Variants in SMARCA2 observed in about 807,000 individuals in gnomAD.
The protein encoded by SMARCA2 is SWI/SNF-related matrix-associated actin-dependent regulator of chromatin subfamily A member 2.
A neutral mutation model predicts 199.8 loss-of-function variants in SMARCA2; 61 were observed. The observed-to-expected ratio is 0.31, with a 90% CI of 0.25 to 0.38. The LOEUF (loss-of-function observed/expected upper bound fraction) is 0.38. Among genes scored for constraint, SMARCA2 ranks in the 10% least tolerant of loss-of-function variants. The probability of loss-of-function intolerance (pLI) is 1.00; values close to 1 mark genes in which losing one functional copy is unlikely to be tolerated. For synonymous variants in SMARCA2, 935 were observed against 732.0 expected (o/e 1.28, Z -4.48); for missense variants, 1,344 against 2,012.2 (o/e 0.67, Z 6.35).
rs547111932 is a variant in SMARCA2 at position 2,160,073 on chromosome 9, A to G, written c.3982-1613A>G. On this transcript the variant is annotated intron_variant, in intron 27 of 33. Transcript: ENST00000349721. ...AACTGTTGACAGCCTTGCATGCTGT[A>G]TTTATTATTAGCATGTTCAGCCTCC... The G allele has an allele frequency of 3.6e-6, 3 of 828,552 alleles. No homozygotes were observed. The East Asian group carries it at 8.1e-5, about 22-fold the overall frequency. 51.3% of individuals were successfully genotyped at this position (828,552 alleles called of 1,614,324 possible).
intron 27 of SMARCA2, among the ~76,000 whole-genome samples, chr9:2,128,965 C>T (rs1468450177): frequency 6.6e-6 from 1 of 152,320 alleles, no homozygotes; most frequent in African/African-American, 2.4e-5. Context: ...ACTTCAGACA[C>T]CAGCCACACT....
chr9:2,101,058 A>G (rs2130543657), intron 21 of SMARCA2, among the ~76,000 whole-genome samples: 1 of 152,310 alleles, frequency 6.6e-6, no homozygotes, highest in African/African-American at 2.4e-5. Flanking sequence ...AACCTTCCTC[A>G]TGATTCAGTT....
intron 29 of SMARCA2, chr9:2,181,287 A>AAAT: frequency 4.2e-6 from 1 of 236,320 alleles, no homozygotes. Flanking sequence ...ATTTCTATCA[A>AAAT]AATAAAGAGA....
At chr9:2,082,062 T>C in intron 15 of SMARCA2, 67 bp downstream of exon 15, 1 of 1,337,516 alleles carries the variant, frequency 7.5e-7, no homozygotes, top group South Asian at 1.3e-5. Context: ...TAGTAGCTTG[T>C]CCTTGTTTTT....
Position 2,041,108 on chromosome 9 carries a change from G to T in SMARCA2, c.790+1208G>T, listed in dbSNP as rs1483717026. On this transcript the variant is annotated intron_variant, in intron 4 of 33. Coordinates refer to ENST00000349721, the MANE Select transcript of SMARCA2 (RefSeq NM_003070.5). Reference sequence around the variant, plus strand: ...TCCTGGGTTTTGGGCCTTATACCATGGGAGAGAGTTCAGATTAGTATTTTT... The same window carrying T: ...TCCTGGGTTTTGGGCCTTATACCATTGGAGAGAGTTCAGATTAGTATTTTT... 1.7e-5 allele frequency: 6 copies of T among 354,822 alleles called. No individual in the cohort carries two copies. In the East Asian group the frequency reaches 2.0e-4, roughly 12 times the overall value. 22.0% of individuals were successfully genotyped at this position (354,822 alleles called of 1,614,324 possible). A position where few individuals can be genotyped will look rare whatever the true frequency, so the allele number is the denominator to read the frequency against.
At chr9:2,120,452 T>C (rs1340164769) in intron 26 of SMARCA2, among the ~76,000 whole-genome samples, 1 of 152,186 alleles carries the variant, frequency 6.6e-6, no homozygotes, top group Non-Finnish European at 1.5e-5. Context: ...TCTAGGTGTT[T>C]ATATGTGATC....
intron 29 of SMARCA2, among the ~76,000 whole-genome samples, chr9:2,175,315 C>A (rs970884691): frequency 6.7e-6 from 1 of 150,156 alleles, no homozygotes; most frequent in Non-Finnish European, 1.5e-5. Context: ...CCGCCCCCCC[C>A]CAACAATACA....
intron 14 of SMARCA2, 122 bp from the exon 15 acceptor site, chr9:2,081,710 T>C: frequency 1.3e-6 from 1 of 757,010 alleles, no homozygotes. Flanking sequence ...CCCATTTTCC[T>C]ACTGTGGGAA....
intron 17 of SMARCA2, among the ~76,000 whole-genome samples, 198 bp downstream of exon 17, chr9:2,084,394 GTGTGTGTGTGT>G (rs1296585535): frequency 2.0e-5 from 3 of 151,084 alleles, no homozygotes; most frequent in African/African-American, 7.3e-5. Context: ...GTGTGTGTGT[GTGTGTGTGTGT>G]GTGTGTGTGT....
chr9:2,186,710 G>C (rs1827484563), intron 32 of SMARCA2, among the ~76,000 whole-genome samples: 1 of 152,112 alleles, frequency 6.6e-6, no homozygotes, highest in Admixed American at 6.5e-5. Context: ...ATTTTTAGTA[G>C]AGATGGAGTG....
chr9:2,034,094 A>G (rs1398227881), intron 3 of SMARCA2, among the ~76,000 whole-genome samples: 1 of 152,026 alleles, frequency 6.6e-6, no homozygotes, highest in Non-Finnish European at 1.5e-5. Flanking sequence ...AACATACAAA[A>G]ATCAGCTGGG....
chr9:2,189,569 T>C (rs1450269124), intron 32 of SMARCA2, among the ~76,000 whole-genome samples: 1 of 152,162 alleles, frequency 6.6e-6, no homozygotes, highest in African/African-American at 2.4e-5. Flanking sequence ...TTCTTTCATC[T>C]ATTTCTTTCG....
rs1821180817 is a variant in SMARCA2, at chr9:2,073,548, C to CT, written c.1878-17dup. ...TAAAAAACTAAGCCCCCTCCTCTTC[C>CT]TCACTCTTTTTCCTTAGTTATGAAG... On this transcript the variant is annotated splice_polypyrimidine_tract_variant and intron_variant, in intron 11 of 33. Transcript: ENST00000349721. 6.2e-7 allele frequency: 1 copy of CT among 1,604,792 alleles called. No homozygotes were observed. Among genetic ancestry groups the CT allele is most frequent in the Admixed American group, 1.7e-5 (1 of 59,706 alleles).
intron 27 of SMARCA2, among the ~76,000 whole-genome samples, chr9:2,134,584 G>C (rs1331548692): frequency 6.6e-6 from 1 of 152,184 alleles, no homozygotes; most frequent in African/African-American, 2.4e-5. Flanking sequence ...TAGCAGTCAG[G>C]AGCCTGGAAT....
At chr9:2,164,245 A>G (rs1015952249) in intron 28 of SMARCA2, among the ~76,000 whole-genome samples, 5 of 152,176 alleles carry the variant, frequency 3.3e-5, no homozygotes, top group Non-Finnish European at 5.9e-5. Context: ...TGGGCTGACC[A>G]CTTTCCTAGA....
chr9:2,143,918 G>A (rs764373721), intron 27 of SMARCA2, among the ~76,000 whole-genome samples: 10 of 152,154 alleles, frequency 6.6e-5, no homozygotes, highest in East Asian at 1.9e-4. Flanking sequence ...CTGAAGGTTC[G>A]TTGAGAATCA....
chr9:2,164,866 G>C (rs1399157199), intron 28 of SMARCA2, among the ~76,000 whole-genome samples: 1 of 152,120 alleles, frequency 6.6e-6, no homozygotes, highest in Non-Finnish European at 1.5e-5. Flanking sequence ...GATGCTTTCT[G>C]GGGAGTATGT....
chr9:2,074,608 T>A (rs545793696), intron 12 of SMARCA2, among the ~76,000 whole-genome samples: 1 of 152,352 alleles, frequency 6.6e-6, no homozygotes, highest in Admixed American at 6.5e-5. Context: ...GACTCATGCC[T>A]ATAATCCCAG....
At chr9:2,025,533 C>T (rs944110828) in intron 1 of SMARCA2, among the ~76,000 whole-genome samples, 8 of 152,160 alleles carry the variant, frequency 5.3e-5, no homozygotes, top group African/African-American at 1.9e-4. Context: ...TCCTCCAGCC[C>T]ACCCTACTAT....
Sources: allele counts gnomAD v4.1 joint callset (sites outside exome capture counted in the v4.1 genomes callset), GRCh38; gene constraint gnomAD v4.1.1; transcripts MANE v1.5; gene names NCBI Gene and HGNC (gene_info 2026-07-23, HGNC 2026-07-21).